GNE: variants seen among roughly 807,000 people sequenced by gnomAD.
The protein encoded by GNE is glucosamine (UDP-N-acetyl)-2-epimerase/N-acetylmannosamine kinase.
Under a neutral mutation model 61.8 loss-of-function variants are expected in GNE, and 41 were observed. The ratio of observed to expected loss-of-function variants is 0.66; its 90% CI spans 0.52 to 0.86. The LOEUF (loss-of-function observed/expected upper bound fraction) is 0.86, where lower values mean the gene tolerates loss of function less well. Ranked by LOEUF, GNE falls within the 40% of genes least tolerant of loss-of-function variation. The pLI, the probability that GNE is intolerant of heterozygous loss-of-function variation, is 0.00. For missense variants in GNE, 608 were observed against 909.1 expected, an observed-to-expected ratio of 0.67 and a Z score of 4.26; for synonymous variants, 264 against 326.4, an observed-to-expected ratio of 0.81 and a Z score of 2.06.
At chr9:36,254,765 A>G (rs914121208) in intron 1 of GNE, among the ~76,000 whole-genome samples, 1 of 152,118 alleles carries the variant, frequency 6.6e-6, no homozygotes, top group Non-Finnish European at 1.5e-5. Flanking sequence ...CTGCCTGGCT[A>G]ACATGGCAAA....
At chr9:36,272,915 TACAAA>T (rs1456408035) in intron 1 of GNE, among the ~76,000 whole-genome samples, 7 of 13,852 alleles carry the variant, frequency 5.1e-4, no homozygotes, top group Non-Finnish European at 6.6e-4. Context: ...CTAGTAAAAA[TACAAA>T]AAAAAAAAAA....
chr9:36,216,068 A>C lies in GNE; in HGVS notation c.*1297T>G, dbSNP rs932029485. 3.2e-6 allele frequency: 1 copy of C among 314,596 alleles called. No homozygotes were observed. Among genetic ancestry groups the C allele is most frequent in the African/African-American group, 2.2e-5 (1 of 45,564 alleles). The allele number at this position is 314,596 out of a possible 1,614,324, so 19.5% of individuals were successfully genotyped here. On this transcript the variant is annotated 3_prime_UTR_variant, in exon 12 of 12. Transcript: ENST00000642385. The stretch of plus-strand genomic sequence containing the variant: ...TAAAGTCTCTTGTAAGTTCAGCTAG[A>C]GTAATAACATCTTTCAACAAATGGT...
At chr9:36,251,275 G>A (rs1028158559) in intron 1 of GNE, among the ~76,000 whole-genome samples, 1 of 152,074 alleles carries the variant, frequency 6.6e-6, no homozygotes, top group African/African-American at 2.4e-5. Context: ...CGCTCTGAGC[G>A]TTATGGCCCT....
At chr9:36,239,621 C>T (rs2133088363) in intron 3 of GNE, among the ~76,000 whole-genome samples, 1 of 152,086 alleles carries the variant, frequency 6.6e-6, no homozygotes, top group Middle Eastern at 3.4e-3. Flanking sequence ...TACAGGTGCA[C>T]ATCACCATGC....
At position 36,216,342 on chromosome 9, in the gene GNE, T is replaced by TGTGTGTGTGTGTGTGTGTGG; in HGVS notation, c.*1022_*1023insCCACACACACACACACACAC. 7.2e-6 allele frequency: 3 copies of TGTGTGTGTGTGTGTGTGTGG among 419,258 alleles called. No homozygotes were observed. Among genetic ancestry groups the TGTGTGTGTGTGTGTGTGTGG allele is most frequent in the Non-Finnish European group, 9.9e-6 (2 of 201,994 alleles). 26.0% of individuals were successfully genotyped at this position (419,258 alleles called of 1,614,324 possible). A position where few individuals can be genotyped will look rare whatever the true frequency, so the allele number is the denominator to read the frequency against. On this transcript the variant is annotated 3_prime_UTR_variant, in exon 12 of 12. Transcript: ENST00000642385. ...AGGAGGAAGGATGTGTGTGTGTGTG[T>TGTGTGTGTGTGTGTGTGTGG]GTGTGTGTGTGTAGACGGAGTCTCG...
intron 8 of GNE, 150 bp downstream of exon 8, chr9:36,223,223 G>C: frequency 3.6e-6 from 3 of 831,080 alleles, no homozygotes; most frequent in Non-Finnish European, 4.0e-6. Flanking sequence ...TGGTGTCCCA[G>C]GAAGTCCCCA....
At chr9:36,222,505 C>T (rs535699210) in intron 9 of GNE, among the ~76,000 whole-genome samples, 37 of 151,800 alleles carry the variant, frequency 2.4e-4, no homozygotes, top group Non-Finnish European at 4.9e-4. Flanking sequence ...ATCCAACACA[C>T]TAACCAAAAA....
chr9:36,250,973 G>A (rs578227084), intron 1 of GNE, among the ~76,000 whole-genome samples: 9 of 152,108 alleles, frequency 5.9e-5, no homozygotes, highest in East Asian at 1.9e-4. Context: ...GAGCCATTGC[G>A]CCCGGCCTCC....
At chr9:36,226,129 T>C (rs1828852050) in intron 7 of GNE, among the ~76,000 whole-genome samples, 1 of 152,204 alleles carries the variant, frequency 6.6e-6, no homozygotes, top group Non-Finnish European at 1.5e-5. Context: ...TGGCCTTTCA[T>C]ATGGAATAAA....
intron 3 of GNE, among the ~76,000 whole-genome samples, chr9:36,240,220 G>C (rs1829576955): frequency 6.6e-6 from 1 of 152,012 alleles, no homozygotes; most frequent in Non-Finnish European, 1.5e-5. Context: ...GGTGAGAGTG[G>C]GCATCCTTGT....
chr9:36,247,287 C>G (rs1016039531), intron 2 of GNE, among the ~76,000 whole-genome samples: 1 of 151,894 alleles, frequency 6.6e-6, no homozygotes, highest in African/African-American at 2.4e-5. Context: ...AATCTCTTGA[C>G]CTCGTGATCC....
At chr9:36,254,421 A>G (rs1005890835) in intron 1 of GNE, among the ~76,000 whole-genome samples, 1 of 150,738 alleles carries the variant, frequency 6.6e-6, no homozygotes, top group Non-Finnish European at 1.5e-5. Flanking sequence ...GGTCCTAGCT[A>G]TTTGGGAGGC....
rs545449250 is a variant in GNE at position 36,220,081 on chromosome 9, A to G, written c.1634-61T>C. The G allele has an allele frequency of 3.0e-6, 4 of 1,317,732 alleles. No homozygotes were observed. The South Asian group carries it at 4.7e-5, about 16-fold the overall frequency. The allele number at this position is 1,317,732 out of a possible 1,614,324, so 81.6% of individuals were successfully genotyped here. On this transcript the variant is annotated intron_variant, in intron 9 of 11. Transcript: ENST00000642385. ...ACCTGAAACAGAAAACTATGATATC[A>G]CAACGCCTCATCTATTTAGCAGAGC...
intron 5 of GNE, among the ~76,000 whole-genome samples, chr9:36,232,328 GCCCCCCCGCCCC>G (rs764949278): frequency 1.7e-5 from 2 of 118,380 alleles, no homozygotes; most frequent in African/African-American, 6.3e-5. Flanking sequence ...TTTTATTCTT[GCCCCCCCGCCCC>G]CCCTCCCGAC....
chr9:36,216,209 TAAA>T lies in GNE; in HGVS notation c.*1153_*1155del, dbSNP rs1346844183. 2.2e-6 allele frequency: 1 copy of T among 446,904 alleles called. No individual in the cohort carries two copies. The highest frequency in any genetic ancestry group is 4.5e-6 in the Non-Finnish European group (1 of 219,954). The allele number at this position is 446,904 out of a possible 1,614,324, so 27.7% of individuals were successfully genotyped here. A position where few individuals can be genotyped will look rare whatever the true frequency, so the allele number is the denominator to read the frequency against. On this transcript the variant is annotated 3_prime_UTR_variant, in exon 12 of 12. Transcript: ENST00000642385. ...TCAAGGCTTATCAAATTGTAGGCTT[TAAA>T]AACAATAAAGCTGTTTTAAAAAAAA... is the stretch of plus-strand genomic sequence containing the variant.
At chr9:36,267,361 G>A (rs142821857) in intron 1 of GNE, among the ~76,000 whole-genome samples, 354 of 152,264 alleles carry the variant, frequency 2.3e-3, no homozygotes, top group Non-Finnish European at 4.0e-3. Context: ...TTAACATAAT[G>A]ACTTTGTTTT....
chr9:36,254,260 C>CG (rs1371339067), intron 1 of GNE, among the ~76,000 whole-genome samples: 67 of 151,812 alleles, frequency 4.4e-4, no homozygotes, highest in African/African-American at 1.6e-3. Flanking sequence ...GACATGGTGG[C>CG]TCATGCCTGT....
intron 3 of GNE, among the ~76,000 whole-genome samples, chr9:36,242,078 G>A (rs1829651287): frequency 6.6e-6 from 1 of 152,040 alleles, no homozygotes; most frequent in Non-Finnish European, 1.5e-5. Context: ...AGAGGTTGCA[G>A]TGAGTCGAGA....
At chr9:36,229,652 A>G (rs919970241) in intron 5 of GNE, among the ~76,000 whole-genome samples, 1 of 152,126 alleles carries the variant, frequency 6.6e-6, no homozygotes, top group Non-Finnish European at 1.5e-5. Context: ...GTTTGTTTTT[A>G]AGATGTGAGA....
Sources: gnomAD v4.1 joint callset for allele counts (sites outside exome capture counted in the v4.1 genomes callset) on GRCh38, gnomAD v4.1.1 for gene constraint, MANE v1.5 for transcripts, NCBI Gene and HGNC (gene_info 2026-07-23, HGNC 2026-07-21) for gene names.